The following DMD variants were observed in gnomAD, a reference collection of about 807,000 sequenced individuals.
The protein encoded by DMD is dystrophin, also known as mutant dystrophin.
In DMD, 63 loss-of-function variants were observed where a neutral mutation model predicts 330.1. The ratio of observed to expected loss-of-function variants is 0.19; its 90% CI spans 0.16 to 0.24. The LOEUF is 0.24. Ranked by LOEUF, DMD falls within the 10% of genes least tolerant of loss-of-function variation. The pLI is 1.00. For synonymous variants in DMD, 1,223 were observed against 959.8 expected, an observed-to-expected ratio of 1.27 and a Z score of -5.07; for missense variants, 3,344 against 2,684.1, an observed-to-expected ratio of 1.25 and a Z score of -5.43.
chrX:32,727,953 A>G (rs1363723177), intron 7 of DMD, among the ~76,000 whole-genome samples: 1 of 111,612 alleles, frequency 9.0e-6, no homozygotes, highest in African/African-American at 3.3e-5. Context: ...ACTGCTTGTC[A>G]GGAAAAAATG....
rs183099958 is a variant in DMD at position 31,941,943 on chromosome X, C to G, written c.6615-9716G>C. Reference sequence around the variant, plus strand: ...CATTCAATCCACCACTGGTGGGCACCTAGGTTGATTCCATGTCTTTGTTAC... The same window carrying G: ...CATTCAATCCACCACTGGTGGGCACGTAGGTTGATTCCATGTCTTTGTTAC... On this transcript the variant is annotated intron_variant, in intron 45 of 78. Transcript: ENST00000357033. Among the ~76,000 whole-genome samples the G allele has an allele frequency of 2.7e-5, 3 of 111,800 alleles. No individual in the cohort carries two copies. The East Asian group carries it at 8.4e-4, about 31-fold the overall frequency.
At chrX:32,764,377 G>C (rs982122995) in intron 7 of DMD, among the ~76,000 whole-genome samples, 13 of 110,730 alleles carry the variant, frequency 1.2e-4, no homozygotes, top group African/African-American at 4.3e-4. Flanking sequence ...TATTTACCTT[G>C]TTGTGTCACC....
At chrX:33,286,685 T>C (rs1279351484) in intron 1 of DMD, among the ~76,000 whole-genome samples, 1 of 112,132 alleles carries the variant, frequency 8.9e-6, no homozygotes, top group African/African-American at 3.2e-5. Flanking sequence ...ACTTGAGTGC[T>C]TGGCATCCTT....
intron 7 of DMD, among the ~76,000 whole-genome samples, chrX:32,781,358 C>A (rs1193176331): frequency 9.0e-6 from 1 of 111,262 alleles, no homozygotes; most frequent in Non-Finnish European, 1.9e-5. Context: ...ATCAATGATA[C>A]AATCAAAGTG....
At chrX:33,056,225 A>G (rs1319475497) in intron 1 of DMD, among the ~76,000 whole-genome samples, 1 of 110,920 alleles carries the variant, frequency 9.0e-6, no homozygotes, top group African/African-American at 3.3e-5. Flanking sequence ...AAAGTCCCGC[A>G]TGGTCCTCAT....
intron 1 of DMD, among the ~76,000 whole-genome samples, chrX:33,191,096 TCTC>T (rs1418603117): frequency 1.1e-5 from 1 of 91,109 alleles, no homozygotes; most frequent in Non-Finnish European, 2.2e-5. Context: ...TTTTTGTCTC[TCTC>T]CTCATTACCC....
rs1603460632 is a variant in DMD, at chrX:31,757,113, A to G, written c.7542+16847T>C. 3.6e-5 allele frequency among the ~76,000 whole-genome samples: 4 copies of G among 111,349 alleles called. No individual in the cohort carries two copies. In the South Asian group the frequency reaches 1.5e-3, roughly 42 times the overall value. ...TTCCCTATGTGTATATAAAATATTC[A>G]TAGATATATATGTGGTGTGTGTTTC... On this transcript the variant is annotated intron_variant, in intron 51 of 78. Transcript: ENST00000357033.
Position 31,679,419 on chromosome X carries a change from G to C in DMD, c.7828C>G (p.Pro2610Ala). The C allele has an allele frequency of 8.3e-7, 1 of 1,210,723 alleles. No homozygotes were observed. Among genetic ancestry groups the C allele is most frequent in the Non-Finnish European group, 1.1e-6 (1 of 895,046 alleles). Residue 2610 changes from proline (P) to alanine (A), a missense_variant, in exon 53 of 79, where the codon CCC becomes GCC. Physicochemically the swap from Pro to Ala is conservative, Grantham distance 27. Transcript: ENST00000357033. ...TTTTGGATTGCATCTACTGTATAGG[G>C]ACCCTCCTTCCATGACTCAAGCTTG... ...RAKLESWKEGPYTVDAIQKKI... is the reference protein window; with the variant it reads ...RAKLESWKEGAYTVDAIQKKI...
At chrX:32,176,269 C>A (rs1333546346) in intron 44 of DMD, among the ~76,000 whole-genome samples, 1 of 112,127 alleles carries the variant, frequency 8.9e-6, no homozygotes, top group Non-Finnish European at 1.9e-5. Flanking sequence ...TGTATCCTAT[C>A]CCTGCTTACT....
chrX:33,029,274 C>G (rs1198432809), intron 1 of DMD, among the ~76,000 whole-genome samples: 1 of 111,914 alleles, frequency 8.9e-6, no homozygotes, highest in Non-Finnish European at 1.9e-5. Flanking sequence ...TGAAATATTG[C>G]TACTTATTTT....
At chrX:31,128,910 T>C (rs748977158) in intron 77 of DMD, among the ~76,000 whole-genome samples, 1 of 112,566 alleles carries the variant, frequency 8.9e-6, no homozygotes, top group South Asian at 3.7e-4. Flanking sequence ...CAGAGGCTAC[T>C]TGATTACAAC....
intron 44 of DMD, among the ~76,000 whole-genome samples, chrX:32,178,432 A>G (rs1411954720): frequency 1.8e-5 from 2 of 110,275 alleles, no homozygotes; most frequent in Non-Finnish European, 3.8e-5. Flanking sequence ...GAACATTATC[A>G]TATCTATCAT....
intron 16 of DMD, among the ~76,000 whole-genome samples, chrX:32,563,106 C>T (rs993563914): frequency 7.3e-5 from 8 of 110,087 alleles, no homozygotes; most frequent in Non-Finnish European, 1.3e-4. Context: ...TTTGGGAGGC[C>T]GAAGTGGGAG....
chrX:32,262,155 T>A (rs1231642401), intron 43 of DMD, among the ~76,000 whole-genome samples: 1 of 112,084 alleles, frequency 8.9e-6, no homozygotes, highest in Non-Finnish European at 1.9e-5. Context: ...CAAATTACAA[T>A]GTTTTTATTG....
chrX:31,702,417 CT>C (rs1288412627), intron 52 of DMD, among the ~76,000 whole-genome samples: 1 of 112,102 alleles, frequency 8.9e-6, no homozygotes, highest in Non-Finnish European at 1.9e-5. Context: ...TTCCTCTCCC[CT>C]AATCACTGAT....
chrX:32,433,946 T>G (rs2098249083), intron 29 of DMD, among the ~76,000 whole-genome samples: 1 of 112,093 alleles, frequency 8.9e-6, no homozygotes, highest in African/African-American at 3.2e-5. Flanking sequence ...CTAACCATCT[T>G]TCAAATCATT....
chrX:31,944,663 CT>C lies in DMD; in HGVS notation c.6615-12437del, dbSNP rs1176678451. ...TGTTTGTTTGTTTTGTTTTGTTCTG[CT>C]TTTTTTTTTTTTTTTTTGTATTTTT... is the stretch of plus-strand genomic sequence containing the variant. On this transcript the variant is annotated intron_variant, in intron 45 of 78. Transcript: ENST00000357033. Among the ~76,000 whole-genome samples the C allele has an allele frequency of 9.6e-3, 783 of 81,429 alleles. 4 individuals are homozygous for C. Among genetic ancestry groups the C allele is most frequent in the African/African-American group, 0.018 (391 of 21,763 alleles). The allele number at this position is 81,429 out of a possible 115,157, so 70.7% of individuals were successfully genotyped here.
intron 17 of DMD, among the ~76,000 whole-genome samples, chrX:32,540,673 T>A (rs1603635851): frequency 8.9e-6 from 1 of 112,058 alleles, no homozygotes. Flanking sequence ...CAATGGAATC[T>A]AAGTAAAACA....
chrX:31,854,251 T>C (rs2093577884), intron 48 of DMD, among the ~76,000 whole-genome samples: 1 of 112,010 alleles, frequency 8.9e-6, no homozygotes, highest in Admixed American at 9.5e-5. Context: ...ACACGTTTTA[T>C]AAATGATAGC....
Sources: allele counts gnomAD v4.1 joint callset (sites outside exome capture counted in the v4.1 genomes callset), GRCh38; gene constraint gnomAD v4.1.1; transcripts MANE v1.5; gene names NCBI Gene and HGNC (gene_info 2026-07-23, HGNC 2026-07-21).